ZNRF1: variants seen among roughly 807,000 people sequenced by gnomAD.
ZNRF1 encodes zinc and ring finger 1, also known as E3 ubiquitin-protein ligase ZNRF1.
In ZNRF1, 3 loss-of-function variants were observed where a neutral mutation model predicts 18.4. That is an observed-to-expected ratio of 0.16 (90% CI 0.07 to 0.42). ZNRF1 has a LOEUF of 0.42. Ranked by LOEUF, ZNRF1 falls within the 10% of genes least tolerant of loss-of-function variation. The pLI, the probability that ZNRF1 is intolerant of heterozygous loss-of-function variation, is 0.99. For missense variants in ZNRF1, 310 were observed against 329.8 expected, an observed-to-expected ratio of 0.94 and a Z score of 0.47; for synonymous variants, 157 against 144.2, an observed-to-expected ratio of 1.09 and a Z score of -0.64.
intron 1 of ZNRF1, among the ~76,000 whole-genome samples, chr16:75,086,262 A>G (rs1463608875): frequency 5.3e-5 from 8 of 152,200 alleles, no homozygotes; most frequent in Non-Finnish European, 1.0e-4. Context: ...AAATTGACCC[A>G]TCACAACAGA....
intron 1 of ZNRF1, among the ~76,000 whole-genome samples, chr16:75,019,839 C>T (rs1408718646): frequency 6.6e-6 from 1 of 152,172 alleles, no homozygotes; most frequent in Non-Finnish European, 1.5e-5. Context: ...ATCCTCCTGC[C>T]TCAGCCTCCC....
intron 1 of ZNRF1, among the ~76,000 whole-genome samples, chr16:75,049,991 C>T (rs1467940321): frequency 1.3e-5 from 2 of 152,086 alleles, no homozygotes; most frequent in Admixed American, 6.6e-5. Flanking sequence ...ATCTCTCTTC[C>T]CTCCTCCCCA....
Position 75,104,796 on chromosome 16 carries a change from C to T in ZNRF1, c.533C>T (p.Thr178Ile). The change falls in exon 3 of 5, where the codon ACT becomes ATT. Residue 178 changes from threonine (T) to isoleucine (I), a missense_variant. Thr to Ile is a moderately conservative substitution (Grantham distance 89). Around this residue, in one of 2 missense-constraint regions of ZNRF1, gnomAD observed 293 missense variants for 291.2 expected, o/e 1.01. Transcript: ENST00000335325. ...GTCCCCCTTGCAGATGATGTGCTGACTAAAGACGCGGGTGAGTGTGTGATC... is the reference window on the plus strand; with the variant it reads ...GTCCCCCTTGCAGATGATGTGCTGATTAAAGACGCGGGTGAGTGTGTGATC... ...PRLSYNDDVL[T>I]KDAGECVICL... 1 of 1,607,222 alleles carries T rather than the reference C, an allele frequency of 6.2e-7. No individual in the cohort carries two copies. Among genetic ancestry groups the T allele is most frequent in the South Asian group, 1.1e-5 (1 of 88,916 alleles).
At chr16:75,028,025 C>G (rs1837608728) in intron 1 of ZNRF1, among the ~76,000 whole-genome samples, 1 of 152,216 alleles carries the variant, frequency 6.6e-6, no homozygotes, top group Non-Finnish European at 1.5e-5. Flanking sequence ...CCTTTTCCCC[C>G]TTTCCTGTAA....
At chr16:75,057,794 C>T (rs915928504) in intron 1 of ZNRF1, among the ~76,000 whole-genome samples, 1 of 152,172 alleles carries the variant, frequency 6.6e-6, no homozygotes, top group Non-Finnish European at 1.5e-5. Flanking sequence ...GTGTGCACTA[C>T]CACACCCAGC....
intron 1 of ZNRF1, among the ~76,000 whole-genome samples, chr16:75,048,172 A>C (rs2035540471): frequency 6.6e-6 from 1 of 152,056 alleles, no homozygotes; most frequent in Non-Finnish European, 1.5e-5. Context: ...GCTCATCTCA[A>C]ACTCCTGGAC....
intron 1 of ZNRF1, among the ~76,000 whole-genome samples, chr16:75,071,246 C>G (rs2035866570): frequency 6.6e-6 from 1 of 152,130 alleles, no homozygotes; most frequent in Non-Finnish European, 1.5e-5. Flanking sequence ...ATTACAGCCA[C>G]CCACCACCAC....
intron 1 of ZNRF1, among the ~76,000 whole-genome samples, chr16:75,087,538 A>C (rs945054120): frequency 3.3e-5 from 5 of 152,230 alleles, no homozygotes; most frequent in African/African-American, 1.2e-4. Flanking sequence ...AAAGGAAACC[A>C]GGTCTCCATT....
chr16:75,015,134 A>G (rs2035049878), intron 1 of ZNRF1, among the ~76,000 whole-genome samples: 1 of 152,150 alleles, frequency 6.6e-6, no homozygotes, highest in South Asian at 2.1e-4. Context: ...TCTTATGGTT[A>G]CTTAATTTTG....
chr16:75,012,710 T>C (rs1393334962), intron 1 of ZNRF1, among the ~76,000 whole-genome samples: 1 of 152,212 alleles, frequency 6.6e-6, no homozygotes, highest in East Asian at 1.9e-4. Context: ...TTTTAGCTGT[T>C]TTCAACTTCA....
chr16:75,002,912 T>A (rs1261467899), intron 1 of ZNRF1, among the ~76,000 whole-genome samples: 6 of 152,224 alleles, frequency 3.9e-5, no homozygotes, highest in Admixed American at 3.9e-4. Context: ...TCTTAAAAAT[T>A]GGCCCCTCCG....
intron 1 of ZNRF1, among the ~76,000 whole-genome samples, chr16:75,042,448 T>C (rs1373690113): frequency 1.3e-5 from 2 of 148,956 alleles, no homozygotes; most frequent in African/African-American, 4.9e-5. Context: ...TCTTTCTTTT[T>C]TTTTTTTTTT....
At chr16:75,023,450 A>G (rs2035180020) in intron 1 of ZNRF1, among the ~76,000 whole-genome samples, 1 of 152,216 alleles carries the variant, frequency 6.6e-6, no homozygotes, top group African/African-American at 2.4e-5. Context: ...TTGGGAGGCC[A>G]AGGTGGATGG....
intron 1 of ZNRF1, among the ~76,000 whole-genome samples, chr16:75,056,561 C>A (rs1302009014): frequency 6.6e-6 from 1 of 152,062 alleles, no homozygotes; most frequent in African/African-American, 2.4e-5. Flanking sequence ...TACTGAAGTT[C>A]ACAAGTATCA....
chr16:75,037,829 T>TA (rs1335709075), intron 1 of ZNRF1, among the ~76,000 whole-genome samples: 1 of 152,226 alleles, frequency 6.6e-6, no homozygotes, highest in African/African-American at 2.4e-5. Context: ...GCATGGCCTT[T>TA]AGAAAGGAGT....
intron 1 of ZNRF1, among the ~76,000 whole-genome samples, chr16:75,083,367 T>C (rs1274342349): frequency 6.6e-6 from 1 of 152,240 alleles, no homozygotes; most frequent in Non-Finnish European, 1.5e-5. Context: ...GCCATCTGGC[T>C]AGTGATTGGG....
At chr16:75,004,748 G>A (rs1221002152) in intron 1 of ZNRF1, among the ~76,000 whole-genome samples, 2 of 151,902 alleles carry the variant, frequency 1.3e-5, no homozygotes, top group Non-Finnish European at 2.9e-5. Context: ...AGAGTAGCTG[G>A]GACTCAGGTG....
At position 75,073,695 on chromosome 16, in the gene ZNRF1, G is replaced by A. The variant is rs1228175047; in HGVS notation, c.425-19877G>A. 2.0e-5 allele frequency among the ~76,000 whole-genome samples: 3 copies of A among 151,950 alleles called. No homozygotes were observed. In the East Asian group the frequency reaches 5.8e-4, roughly 29 times the overall value. On this transcript the variant is annotated intron_variant, in intron 1 of 4. Transcript: ENST00000335325. ...GTGCACATTTAATCCATTGCTTGTG[G>A]CTGCTGCATAGTATTCATCATGTAC...
intron 1 of ZNRF1, among the ~76,000 whole-genome samples, chr16:75,080,614 C>A (rs1173459637): frequency 1.3e-5 from 2 of 152,154 alleles, no homozygotes; most frequent in African/African-American, 2.4e-5. Context: ...CCTTCCCTAA[C>A]TGTTTTTCCC....
Sources: gnomAD v4.1 joint callset for allele counts (sites outside exome capture counted in the v4.1 genomes callset) on GRCh38, gnomAD v4.1.1 for gene constraint, gnomAD v4.1.1 regional missense constraint, MANE v1.5 for transcripts, NCBI Gene and HGNC (gene_info 2026-07-23, HGNC 2026-07-21) for gene names.